TUBGCP3: variants seen among roughly 807,000 people sequenced by gnomAD.
TUBGCP3 encodes the protein gamma-tubulin complex component 3.
In TUBGCP3, 50 loss-of-function variants were observed where a neutral mutation model predicts 123.1. The observed-to-expected ratio is 0.41, with a 90% CI of 0.32 to 0.51. The LOEUF (loss-of-function observed/expected upper bound fraction) is 0.51, where lower values mean the gene tolerates loss of function less well. Among genes scored for constraint, TUBGCP3 ranks in the 20% least tolerant of loss-of-function variants. The pLI, the probability that TUBGCP3 is intolerant of heterozygous loss-of-function variation, is 0.36. For synonymous variants in TUBGCP3, 405 were observed against 413.9 expected, an observed-to-expected ratio of 0.98 and a Z score of 0.26; for missense variants, 882 against 1,127.0, an observed-to-expected ratio of 0.78 and a Z score of 3.11.
chr13:112,485,811 C>A lies in TUBGCP3; in HGVS notation c.*182G>T, dbSNP rs1056066858. On this transcript the variant is annotated 3_prime_UTR_variant, in exon 22 of 22. Transcript: ENST00000261965. ...TGACTTAGGGATTTACAAATGCATT[C>A]GACTCCGACATGTGAAACACGACGT... The A allele has an allele frequency of 3.0e-6, 2 of 668,514 alleles. No homozygotes were observed. The highest frequency in any genetic ancestry group is 2.8e-5 in the East Asian group (1 of 35,588). The allele number at this position is 668,514 out of a possible 1,614,324, so 41.4% of individuals were successfully genotyped here. A position where few individuals can be genotyped will look rare whatever the true frequency, so the allele number is the denominator to read the frequency against.
the TUBGCP3 span, among the ~76,000 whole-genome samples, chr13:112,599,828 T>C: frequency 1.3e-5 from 2 of 152,210 alleles, no homozygotes; most frequent in Non-Finnish European, 2.9e-5. Context: ...CTACACCTTA[T>C]GTTTTATACC....
At chr13:112,521,591 T>C (rs1594138153) in intron 14 of TUBGCP3, 2 of 895,520 alleles carry the variant, frequency 2.2e-6, no homozygotes, top group South Asian at 5.1e-5. Context: ...CCTAAAACAA[T>C]TGCTTGGGGA....
At chr13:112,575,152 C>G (rs1481152706) in intron 1 of TUBGCP3, among the ~76,000 whole-genome samples, 1 of 152,152 alleles carries the variant, frequency 6.6e-6, no homozygotes, top group African/African-American at 2.4e-5. Flanking sequence ...AGAGTGAGGG[C>G]AGCAGCACAG....
the TUBGCP3 span, chr13:112,605,337 T>TAATAATAATAATAATAAGAATAAC: frequency 6.8e-6 from 1 of 147,282 alleles, no homozygotes; most frequent in South Asian, 2.1e-4. Flanking sequence ...ATAATAATAA[T>TAATAATAATAATAATAAGAATAAC]AACAACAGCT....
chr13:112,526,161 AC>A (rs1877053536), intron 13 of TUBGCP3, among the ~76,000 whole-genome samples: 1 of 150,836 alleles, frequency 6.6e-6, no homozygotes, highest in African/African-American at 2.4e-5. Flanking sequence ...CACCATCATC[AC>A]CATCACTATC....
intron 13 of TUBGCP3, among the ~76,000 whole-genome samples, chr13:112,523,163 A>G (rs1876762441): frequency 6.6e-6 from 1 of 152,250 alleles, no homozygotes; most frequent in Non-Finnish European, 1.5e-5. Flanking sequence ...TTTAAAACTT[A>G]TATGAATACT....
intron 11 of TUBGCP3, among the ~76,000 whole-genome samples, chr13:112,531,608 C>T (rs988047001): frequency 2.6e-5 from 4 of 152,060 alleles, no homozygotes; most frequent in South Asian, 2.1e-4. Context: ...GGAGTACAGC[C>T]GGATTTTTAT....
In TUBGCP3 at chr13:112,588,037, G is replaced by T; in HGVS notation, c.-57C>A. 7.4e-7 allele frequency: 1 copy of T among 1,344,532 alleles called. No individual in the cohort carries two copies. The highest frequency in any genetic ancestry group is 9.7e-7 in the Non-Finnish European group (1 of 1,026,516). 83.3% of individuals were successfully genotyped at this position (1,344,532 alleles called of 1,614,324 possible). A position where few individuals can be genotyped will look rare whatever the true frequency, so the allele number is the denominator to read the frequency against. On this transcript the variant is annotated 5_prime_UTR_variant, in exon 1 of 22. Coordinates refer to ENST00000261965, the MANE Select transcript of TUBGCP3 (RefSeq NM_006322.6). ...CAGAGCCGCCACTGCCGCCGCACGC[G>T]CAGGGACCGCGGCCCGCGCCCTTCC... is the stretch of plus-strand genomic sequence containing the variant.
At chr13:112,530,283 T>C (rs17121245) in intron 11 of TUBGCP3, among the ~76,000 whole-genome samples, 16,295 of 152,310 alleles carry the variant, frequency 0.11, 1,209 homozygotes, top group African/African-American at 0.21. Context: ...ACTTCTAATA[T>C]GCTATGCTAA....
chr13:112,587,820 C>T, intron 1 of TUBGCP3, 85 bp downstream of exon 1: 3 of 1,257,328 alleles, frequency 2.4e-6, no homozygotes, highest in Non-Finnish European at 3.2e-6. Context: ...CTCGTTCCTC[C>T]AGCCCCGGAA....
intron 8 of TUBGCP3, among the ~76,000 whole-genome samples, chr13:112,550,521 A>C (rs571642518): frequency 1.3e-5 from 2 of 152,310 alleles, no homozygotes; most frequent in South Asian, 4.1e-4. Flanking sequence ...GTAAAAATCC[A>C]GGGCTCCCGC....
At chr13:112,548,269 C>A in intron 8 of TUBGCP3, 93 bp from the exon 9 acceptor site, 1 of 882,524 alleles carries the variant, frequency 1.1e-6, no homozygotes, top group South Asian at 2.2e-5. Flanking sequence ...AGATAAAGTT[C>A]AGGTGGGGTG....
Position 112,499,058 on chromosome 13 carries a change from T to G in TUBGCP3, c.2435A>C (p.Gln812Pro). Residue 812 changes from glutamine (Q) to proline (P), a missense_variant, in exon 20 of 22, where the codon CAG becomes CCG. By Grantham distance (76) the Gln-to-Pro change is moderately conservative (BLOSUM62 -1). This residue lies in a region of TUBGCP3 where 160 missense variants were observed against 220.3 expected (regional missense o/e 0.73). Coordinates refer to ENST00000261965, the MANE Select transcript of TUBGCP3 (RefSeq NM_006322.6). ...TAAAGACCATACCTCAATTTCACGC[T>G]GTTTCTTTTTCTCTTCAAACTGTAA... ...RRLQFEEKKKQREIEGQWGVT... is the reference protein window; with the variant it reads ...RRLQFEEKKKPREIEGQWGVT... The G allele has an allele frequency of 5.0e-6, 8 of 1,614,230 alleles. No homozygotes were observed. Among genetic ancestry groups the G allele is most frequent in the Non-Finnish European group, 6.8e-6 (8 of 1,180,034 alleles).
At chr13:112,553,962 G>C in intron 8 of TUBGCP3, 95 bp downstream of exon 8, 1 of 1,531,920 alleles carries the variant, frequency 6.5e-7, no homozygotes, top group Non-Finnish European at 8.8e-7. Context: ...CTTGGAAAGA[G>C]CCTTAGAAGG....
chr13:112,538,132 T>C (rs534946765), intron 11 of TUBGCP3, among the ~76,000 whole-genome samples: 135 of 152,304 alleles, frequency 8.9e-4, no homozygotes, highest in African/African-American at 3.2e-3. Flanking sequence ...TCTCTACAGT[T>C]TGGTTATATA....
intron 11 of TUBGCP3, among the ~76,000 whole-genome samples, chr13:112,529,147 C>T (rs1366685961): frequency 6.6e-6 from 1 of 152,228 alleles, no homozygotes; most frequent in Non-Finnish European, 1.5e-5. Flanking sequence ...GCCACCATGC[C>T]TGGCCTATTA....
intron 11 of TUBGCP3, among the ~76,000 whole-genome samples, chr13:112,530,591 C>T (rs563607320): frequency 1.3e-5 from 2 of 152,306 alleles, no homozygotes; most frequent in South Asian, 4.1e-4. Context: ...TTCCACCGGC[C>T]GACTGCAGGA....
chr13:112,593,974 C>T, the TUBGCP3 span, among the ~76,000 whole-genome samples: 1 of 151,998 alleles, frequency 6.6e-6, no homozygotes, highest in African/African-American at 2.4e-5. Context: ...AAATTATGAG[C>T]ACTGACCAAC....
In TUBGCP3 at chr13:112,519,808, A is replaced by T; in HGVS notation, c.1881+78T>A. ...GCTAGCTGTGCCTGAAACAACATGG[A>T]AAACACTCGCTAGAACACCCCGGCC... On this transcript the variant is annotated intron_variant, in intron 15 of 21. Transcript: ENST00000261965. The surrounding 1 kb of genome is among the most constrained non-coding windows in gnomAD (Gnocchi z 6.2). 1 of 1,502,992 alleles carries T rather than the reference A, an allele frequency of 6.7e-7. No homozygotes were observed. The highest frequency in any genetic ancestry group is 1.3e-5 in the South Asian group (1 of 74,520). 93.1% of individuals were successfully genotyped at this position (1,502,992 alleles called of 1,614,324 possible).
Sources: allele counts gnomAD v4.1 joint callset (sites outside exome capture counted in the v4.1 genomes callset), GRCh38; gene constraint gnomAD v4.1.1; regional missense constraint gnomAD v4.1.1; non-coding constraint Gnocchi (gnomAD v3.1); transcripts MANE v1.5; gene names NCBI Gene and HGNC (gene_info 2026-07-23, HGNC 2026-07-21).